Variants in PRKAG2 observed in about 807,000 individuals in gnomAD.
PRKAG2 encodes the protein protein kinase AMP-activated non-catalytic subunit gamma 2.
PRKAG2 carries 26 observed loss-of-function variants against 69.6 expected under a neutral mutation model. The observed-to-expected ratio is 0.37, with a 90% CI of 0.27 to 0.52. The LOEUF (loss-of-function observed/expected upper bound fraction) is 0.52. Among genes scored for constraint, PRKAG2 ranks in the 20% least tolerant of loss-of-function variants. The pLI is 0.90. For missense variants in PRKAG2, 557 were observed against 740.0 expected, an observed-to-expected ratio of 0.75 and a Z score of 2.87; for synonymous variants, 293 against 285.0, an observed-to-expected ratio of 1.03 and a Z score of -0.28.
At position 151,689,868 on chromosome 7, in the gene PRKAG2, G is replaced by A. The variant is rs150348424; in HGVS notation, c.467-14231C>T. 1.5e-3 allele frequency among the ~76,000 whole-genome samples: 227 copies of A among 152,284 alleles called. 3 individuals carry two copies. The highest frequency in any genetic ancestry group is 5.2e-3 in the African/African-American group (215 of 41,572). The stretch of plus-strand genomic sequence containing the variant: ...CCCCAGAGCTCGTTTCCATGGTGCC[G>A]TTCCCAGCTCCAGGAGCTCTCCTCA... On this transcript the variant is annotated intron_variant, in intron 3 of 15. Coordinates refer to ENST00000287878, the MANE Select transcript of PRKAG2 (RefSeq NM_016203.4).
At chr7:151,689,873 C>T (rs547926375) in intron 3 of PRKAG2, among the ~76,000 whole-genome samples, 49 of 152,302 alleles carry the variant, frequency 3.2e-4, no homozygotes, top group African/African-American at 1.2e-3. Context: ...GTGCCGTTCC[C>T]AGCTCCAGGA....
At chr7:151,602,019 G>A (rs982828239) in intron 5 of PRKAG2, among the ~76,000 whole-genome samples, 1 of 152,242 alleles carries the variant, frequency 6.6e-6, no homozygotes, top group Admixed American at 6.5e-5. Flanking sequence ...GACAGTGAGG[G>A]CCCTGCTTAA....
rs373847002 is a variant in PRKAG2, at chr7:151,641,622, G to A, written c.685-9484C>T. ...TGCAGTGGCACAATCATAGCTCACT[G>A]TAACCTTGAACTCCTGGGCTCAAGT... On this transcript the variant is annotated intron_variant, in intron 4 of 15. Transcript: ENST00000287878. Among the ~76,000 whole-genome samples, 102 of 151,752 alleles carry A rather than the reference G, an allele frequency of 6.7e-4. 1 individual carries two copies. In the Middle Eastern group the frequency reaches 0.024, roughly 36 times the overall value.
intron 3 of PRKAG2, among the ~76,000 whole-genome samples, chr7:151,686,046 A>C (rs575860138): frequency 5.9e-5 from 9 of 152,202 alleles, no homozygotes; most frequent in Admixed American, 1.3e-4. Flanking sequence ...CCCTGTCCCC[A>C]CTGAGTCTAA....
In PRKAG2 at chr7:151,563,970, C is replaced by G. The variant is rs1268756675; in HGVS notation, c.1584+108G>C. On this transcript the variant is annotated intron_variant, in intron 14 of 15. Transcript: ENST00000287878. ...GAATCCCATCGACTGAACCTGGAGG[C>G]TGCCTCGCTGGGCCCTTCCTGAGAT... 4.7e-6 allele frequency: 7 copies of G among 1,487,336 alleles called. No individual in the cohort carries two copies. In the Admixed American group the frequency reaches 1.2e-4, roughly 25 times the overall value. The allele number at this position is 1,487,336 out of a possible 1,614,324, so 92.1% of individuals were successfully genotyped here.
intron 1 of PRKAG2, chr7:151,806,577 G>T (rs2078113904): frequency 5.7e-6 from 1 of 173,960 alleles, no homozygotes; most frequent in Non-Finnish European, 1.2e-5. Flanking sequence ...GTGACTAAAT[G>T]AAGAAATTAC....
chr7:151,769,777 C>T (rs1438649546), intron 3 of PRKAG2, among the ~76,000 whole-genome samples: 1 of 152,184 alleles, frequency 6.6e-6, no homozygotes, highest in East Asian at 1.9e-4. Flanking sequence ...GGGCAGGTGG[C>T]ACTGCTTGCG....
At chr7:151,731,522 C>CTGTGTGTGTGTGTGTGTG (rs113764475) in intron 3 of PRKAG2, among the ~76,000 whole-genome samples, 89 of 107,762 alleles carry the variant, frequency 8.3e-4, no homozygotes, top group Middle Eastern at 4.6e-3. Context: ...GGGGAGAGCT[C>CTGTGTGTGTGTGTGTGTG]TGTGTGTGTG....
At chr7:151,580,151 C>T (rs1026291081) in intron 6 of PRKAG2, among the ~76,000 whole-genome samples, 1 of 152,130 alleles carries the variant, frequency 6.6e-6, no homozygotes, top group Admixed American at 6.6e-5. Context: ...CAAGACCAGC[C>T]TGGCCAACGT....
intron 3 of PRKAG2, among the ~76,000 whole-genome samples, chr7:151,732,213 T>C (rs1390540161): frequency 2.0e-5 from 3 of 148,094 alleles, no homozygotes; most frequent in Admixed American, 1.4e-4. Flanking sequence ...TCACGGCTCA[T>C]TGCAGCCTTG....
chr7:151,656,559 A>G (rs903086746), intron 4 of PRKAG2, among the ~76,000 whole-genome samples: 6 of 152,234 alleles, frequency 3.9e-5, no homozygotes, highest in Admixed American at 3.9e-4. Context: ...GCATCTCAAA[A>G]CAATAACAAC....
chr7:151,816,402 C>G (rs945788533), intron 1 of PRKAG2, among the ~76,000 whole-genome samples: 4 of 152,122 alleles, frequency 2.6e-5, no homozygotes, highest in African/African-American at 9.7e-5. Context: ...CAGACCAGAG[C>G]ATTAATATTC....
chr7:151,753,899 T>G (rs1003161684), intron 3 of PRKAG2, among the ~76,000 whole-genome samples: 20 of 152,216 alleles, frequency 1.3e-4, no homozygotes, highest in Middle Eastern at 3.4e-3. Flanking sequence ...CCGGGCATGA[T>G]GGTGCACACC....
intron 1 of PRKAG2, 24 bp from the exon 2 acceptor site, chr7:151,786,565 G>T: frequency 6.2e-7 from 1 of 1,601,120 alleles, no homozygotes; most frequent in Non-Finnish European, 8.5e-7. Context: ...AGAGCACGTG[G>T]TCAGTGACAG....
In PRKAG2 at chr7:151,661,055, T is replaced by C. The variant is rs1208300587; in HGVS notation, c.684+14365A>G. 3.9e-5 allele frequency among the ~76,000 whole-genome samples: 6 copies of C among 152,248 alleles called. No homozygotes were observed. In the East Asian group the frequency reaches 1.2e-3, roughly 29 times the overall value. ...TTTAAAAGAGAGAACCAAATACTTC[T>C]CCAGATGTATGTGTTTTGAAAAATC... On this transcript the variant is annotated intron_variant, in intron 4 of 15. Coordinates refer to ENST00000287878, the MANE Select transcript of PRKAG2 (RefSeq NM_016203.4).
chr7:151,574,148 C>T lies in PRKAG2; in HGVS notation c.1005+743G>A, dbSNP rs117740186. 2.3e-4 allele frequency among the ~76,000 whole-genome samples: 35 copies of T among 152,300 alleles called. No individual in the cohort carries two copies. The East Asian group carries it at 6.0e-3, about 26-fold the overall frequency. ...AATTATTGGATAATACTGAGCATTA[C>T]GCATAAAGCAGTATTAATTGAATTA... On this transcript the variant is annotated intron_variant, in intron 8 of 15. Transcript: ENST00000287878.
intron 6 of PRKAG2, among the ~76,000 whole-genome samples, chr7:151,592,219 C>T (rs547359595): frequency 4.2e-4 from 64 of 152,246 alleles, no homozygotes; most frequent in Non-Finnish European, 7.8e-4. Flanking sequence ...GCTTCTCCTG[C>T]TGGGCTGGCC....
At chr7:151,733,332 G>A (rs749761871) in intron 3 of PRKAG2, among the ~76,000 whole-genome samples, 6 of 152,192 alleles carry the variant, frequency 3.9e-5, no homozygotes, top group Non-Finnish European at 7.3e-5. Flanking sequence ...AGGGACCTCC[G>A]ATTTTCTTGA....
chr7:151,852,021 G>C (rs1175855371), intron 1 of PRKAG2, among the ~76,000 whole-genome samples: 1 of 152,160 alleles, frequency 6.6e-6, no homozygotes, highest in Admixed American at 6.5e-5. Context: ...TCCCGTGCCT[G>C]CTCCGTCCCA....
Sources: allele counts gnomAD v4.1 joint callset (sites outside exome capture counted in the v4.1 genomes callset), GRCh38; gene constraint gnomAD v4.1.1; transcripts MANE v1.5; gene names NCBI Gene and HGNC (gene_info 2026-07-23, HGNC 2026-07-21).